P4HA2: variants seen among roughly 807,000 people sequenced by gnomAD.
The protein encoded by P4HA2 is prolyl 4-hydroxylase subunit alpha-2.
Under a neutral mutation model 76.9 loss-of-function variants are expected in P4HA2, and 46 were observed. The observed-to-expected ratio is 0.60, with a 90% CI of 0.47 to 0.76. The LOEUF is 0.76. P4HA2 is among the 30% of genes least tolerant of loss of function. The pLI, the probability that P4HA2 is intolerant of heterozygous loss-of-function variation, is 0.00. For missense variants in P4HA2, 583 were observed against 669.4 expected, an observed-to-expected ratio of 0.87 and a Z score of 1.42; for synonymous variants, 243 against 254.0, an observed-to-expected ratio of 0.96 and a Z score of 0.41.
intron 6 of P4HA2, among the ~76,000 whole-genome samples, chr5:132,209,690 T>C (rs1752779906): frequency 7.0e-6 from 1 of 142,556 alleles, no homozygotes; most frequent in Non-Finnish European, 1.5e-5. Context: ...CAGGAAAATC[T>C]CATCAACCCG....
At chr5:132,224,530 G>A (rs1755089843) in intron 1 of P4HA2, among the ~76,000 whole-genome samples, 1 of 152,208 alleles carries the variant, frequency 6.6e-6, no homozygotes, top group Non-Finnish European at 1.5e-5. Flanking sequence ...AGGGAACAGT[G>A]AAGATGCAAA....
rs1233837101 is a variant in P4HA2 at position 132,192,667 on chromosome 5, G to A, written c.*343C>T. 9.4e-6 allele frequency: 2 copies of A among 212,732 alleles called. No homozygotes were observed. Among genetic ancestry groups the A allele is most frequent in the African/African-American group, 2.3e-5 (1 of 43,954 alleles). The allele number at this position is 212,732 out of a possible 1,614,324, so 13.2% of individuals were successfully genotyped here. A position where few individuals can be genotyped will look rare whatever the true frequency, so the allele number is the denominator to read the frequency against. ...TGGTAAAGCCACAATAGATAGAAATGCCATAAAAACAAACATGTAAACAAG... is the reference window on the plus strand; with the variant it reads ...TGGTAAAGCCACAATAGATAGAAATACCATAAAAACAAACATGTAAACAAG... On this transcript the variant is annotated 3_prime_UTR_variant, in exon 15 of 15. Coordinates refer to ENST00000360568, the MANE Select transcript of P4HA2 (RefSeq NM_001017974.2).
At chr5:132,209,483 AACTG>A in intron 6 of P4HA2, 152 bp from the exon 7 acceptor site, 1 of 690,520 alleles carries the variant, frequency 1.4e-6, no homozygotes, top group Non-Finnish European at 2.4e-6. Context: ...CGCTGGTCGT[AACTG>A]GAAAACCAAC....
chr5:132,218,659 A>T lies in P4HA2; in HGVS notation c.-18-15T>A. ...GAGGGAAGTGTCTGAAAGGCATTCA[A>T]TGACAATCACTGGATCAACAAAGTG... On this transcript the variant is annotated splice_polypyrimidine_tract_variant and intron_variant, in intron 1 of 14. Coordinates refer to ENST00000360568, the MANE Select transcript of P4HA2 (RefSeq NM_001017974.2). The T allele has an allele frequency of 6.7e-7, 1 of 1,501,768 alleles. No individual in the cohort carries two copies. The highest frequency in any genetic ancestry group is 9.3e-7 in the Non-Finnish European group (1 of 1,077,542). The allele number at this position is 1,501,768 out of a possible 1,614,324, so 93.0% of individuals were successfully genotyped here. A position where few individuals can be genotyped will look rare whatever the true frequency, so the allele number is the denominator to read the frequency against.
At chr5:132,199,730 G>T (rs1217906394) in intron 10 of P4HA2, 10 of 152,290 alleles carry the variant, frequency 6.6e-5, no homozygotes. Context: ...GGATCAAGTA[G>T]CACCACCAAT....
chr5:132,226,398 G>C (rs956228513), intron 1 of P4HA2, among the ~76,000 whole-genome samples: 7 of 152,152 alleles, frequency 4.6e-5, no homozygotes, highest in Admixed American at 4.6e-4. Context: ...ACAAATCTCG[G>C]GTGTCACTCT....
intron 10 of P4HA2, chr5:132,202,816 C>G (rs1263920018): frequency 4.6e-5 from 7 of 152,378 alleles, no homozygotes; most frequent in Middle Eastern, 3.4e-3. Context: ...CAAGAACATT[C>G]CACCTGCACC....
intron 8 of P4HA2, 136 bp downstream of exon 8, chr5:132,207,572 G>C: frequency 1.5e-6 from 1 of 668,102 alleles, no homozygotes; most frequent in Non-Finnish European, 2.6e-6. Context: ...AAGCATCTCT[G>C]TATCCCCACG....
chr5:132,196,478 C>T (rs534593588), intron 12 of P4HA2, among the ~76,000 whole-genome samples: 7 of 152,322 alleles, frequency 4.6e-5, no homozygotes, highest in Middle Eastern at 3.4e-3. Context: ...TTTTAAGTCT[C>T]AACTGATATG....
Position 132,207,738 on chromosome 5 carries a change from G to A in P4HA2, c.1050C>T (p.Ile350=), listed in dbSNP as rs200249926. Residue 350 remains isoleucine, a synonymous_variant, in exon 8 of 15, where the codon ATC becomes ATT. Transcript: ENST00000360568. The part of the protein sequence containing the change: ...RYYDVMSDEE[I]ERIKEIAKPK... ...GTTTTGCGATCTCCTTGATCCTCTC[G>A]ATTTCCTCATCAGACATGACATCGT... 4.3e-6 allele frequency: 7 copies of A among 1,613,814 alleles called. No individual in the cohort carries two copies. The African/African-American group carries it at 5.3e-5, about 12-fold the overall frequency.
At chr5:132,218,501 G>A (rs1175928492) in intron 2 of P4HA2, 44 bp downstream of exon 2, 5 of 1,335,392 alleles carry the variant, frequency 3.7e-6, no homozygotes, top group Non-Finnish European at 5.4e-6. Context: ...TCCGTGGCAT[G>A]TGAGCCAAGG....
chr5:132,195,762 G>C, intron 12 of P4HA2: 2 of 494,728 alleles, frequency 4.0e-6, no homozygotes, highest in Non-Finnish European at 7.4e-6. Flanking sequence ...ATCTGAGTCT[G>C]TACTCAGAAA....
At chr5:132,224,754 T>C (rs1255459156) in intron 1 of P4HA2, among the ~76,000 whole-genome samples, 3 of 152,160 alleles carry the variant, frequency 2.0e-5, no homozygotes, top group Admixed American at 1.3e-4. Flanking sequence ...CATGTACTTA[T>C]ATGCCTCTGA....
intron 10 of P4HA2, chr5:132,200,176 T>G (rs929984349): frequency 6.6e-6 from 1 of 152,318 alleles, no homozygotes; most frequent in East Asian, 1.9e-4. Flanking sequence ...CACTCCAGCC[T>G]GGGCAACAGA....
intron 1 of P4HA2, among the ~76,000 whole-genome samples, chr5:132,220,952 C>T (rs1754576612): frequency 6.6e-6 from 1 of 152,220 alleles, no homozygotes; most frequent in African/African-American, 2.4e-5. Flanking sequence ...ACTACCACAT[C>T]AACACTGACA....
intron 12 of P4HA2, among the ~76,000 whole-genome samples, chr5:132,196,732 A>C (rs1422681202): frequency 1.3e-5 from 2 of 151,974 alleles, no homozygotes; most frequent in Admixed American, 1.3e-4. Context: ...ATGGTGGTGC[A>C]CGCCTATAAT....
At chr5:132,209,435 A>G in intron 6 of P4HA2, 104 bp from the exon 7 acceptor site, 2 of 923,994 alleles carry the variant, frequency 2.2e-6, no homozygotes, top group Non-Finnish European at 3.4e-6. Flanking sequence ...GCTCACCTGC[A>G]TGCTGCATTC....
At chr5:132,207,116 A>G (rs1463121556) in intron 8 of P4HA2, among the ~76,000 whole-genome samples, 1 of 152,272 alleles carries the variant, frequency 6.6e-6, no homozygotes, top group African/African-American at 2.4e-5. Context: ...AGTTTGGCAT[A>G]TAATAGTAAA....
At chr5:132,205,599 G>A (rs910111321) in intron 8 of P4HA2, among the ~76,000 whole-genome samples, 6 of 152,190 alleles carry the variant, frequency 3.9e-5, no homozygotes, top group East Asian at 3.9e-4. Flanking sequence ...ATGGTGGCCC[G>A]GGCCAGGTGG....
Sources: gnomAD v4.1 joint callset for allele counts (sites outside exome capture counted in the v4.1 genomes callset) on GRCh38, gnomAD v4.1.1 for gene constraint, MANE v1.5 for transcripts, NCBI Gene and HGNC (gene_info 2026-07-23, HGNC 2026-07-21) for gene names.